SSBP2: variants seen among roughly 807,000 people sequenced by gnomAD.
SSBP2 encodes single stranded DNA binding protein 2.
A neutral mutation model predicts 61.8 loss-of-function variants in SSBP2; 17 were observed. That is an observed-to-expected ratio of 0.28 (90% CI 0.19 to 0.41). SSBP2 has a LOEUF of 0.41. Among genes scored for constraint, SSBP2 ranks in the 10% least tolerant of loss-of-function variants. The probability of loss-of-function intolerance (pLI) is 1.00; values close to 1 mark genes in which losing one functional copy is unlikely to be tolerated. For missense variants in SSBP2, 310 were observed against 458.7 expected (o/e 0.68, Z 2.96); for synonymous variants, 139 against 141.3 (o/e 0.98, Z 0.12).
chr5:81,679,675 A>G (rs1752245193), intron 1 of SSBP2, among the ~76,000 whole-genome samples: 1 of 152,256 alleles, frequency 6.6e-6, no homozygotes, highest in Non-Finnish European at 1.5e-5. Context: ...TGAGGCAAAA[A>G]TAAGAACAAA....
At chr5:81,599,206 A>G (rs1345940687) in intron 4 of SSBP2, among the ~76,000 whole-genome samples, 1 of 152,144 alleles carries the variant, frequency 6.6e-6, no homozygotes, top group Non-Finnish European at 1.5e-5. Flanking sequence ...TTTCCCAGGC[A>G]AGAAATTGTA....
At position 81,633,335 on chromosome 5, in the gene SSBP2, C is replaced by T. The variant is rs182314145; in HGVS notation, c.197+3222G>A. Among the ~76,000 whole-genome samples, 1,228 of 151,932 alleles carry T rather than the reference C, an allele frequency of 8.1e-3. 12 individuals are homozygous for T. The highest frequency in any genetic ancestry group is 0.028 in the African/African-American group (1,151 of 41,432). ...TTCACCATGTTGGCCAGGCTGGTCT[C>T]GAACTCCTGATCTCAAGTGATCCAC... On this transcript the variant is annotated intron_variant, in intron 3 of 16. Transcript: ENST00000320672.
chr5:81,604,671 CA>C (rs1435303594), intron 4 of SSBP2, among the ~76,000 whole-genome samples: 1 of 152,076 alleles, frequency 6.6e-6, no homozygotes, highest in African/African-American at 2.4e-5. Flanking sequence ...AATTATCTGT[CA>C]AATATAAACA....
intron 1 of SSBP2, among the ~76,000 whole-genome samples, chr5:81,651,584 C>T (rs150467158): frequency 1.8e-4 from 28 of 152,298 alleles, no homozygotes; most frequent in African/African-American, 6.7e-4. Context: ...CATCTCCAAA[C>T]ATATTCAAAT....
chr5:81,744,830 T>C (rs1194535025), intron 1 of SSBP2, among the ~76,000 whole-genome samples: 1 of 152,256 alleles, frequency 6.6e-6, no homozygotes. Context: ...ACATGAAATG[T>C]AATTAACATT....
intron 2 of SSBP2, among the ~76,000 whole-genome samples, chr5:81,641,294 C>G (rs578054872): frequency 7.2e-5 from 11 of 152,264 alleles, no homozygotes; most frequent in Admixed American, 4.6e-4. Context: ...TGAGAAGAAG[C>G]CTGAGGTAAT....
rs1229348933 is a variant in SSBP2 at position 81,746,932 on chromosome 5, C to T, written c.62+4049G>A. ...ACTCTTTCTGCGGTAGTGTGGCATA[C>T]TGTGTGGCTTTAAGTTCAGCAACAT... On this transcript the variant is annotated intron_variant, in intron 1 of 16. Coordinates refer to ENST00000320672, the MANE Select transcript of SSBP2 (RefSeq NM_012446.5). 2.0e-5 allele frequency among the ~76,000 whole-genome samples: 3 copies of T among 147,270 alleles called. No homozygotes were observed. In the Admixed American group the frequency reaches 2.2e-4, roughly 11 times the overall value.
At chr5:81,736,143 A>AACACACACACAC (rs58588638) in intron 1 of SSBP2, among the ~76,000 whole-genome samples, 372 of 75,302 alleles carry the variant, frequency 4.9e-3, no homozygotes, top group African/African-American at 0.013. Context: ...ACTACCCTGA[A>AACACACACACAC]ACACACACAC....
At chr5:81,474,081 T>G (rs530153205) in intron 7 of SSBP2, among the ~76,000 whole-genome samples, 31 of 152,136 alleles carry the variant, frequency 2.0e-4, no homozygotes, top group South Asian at 6.2e-4. Context: ...TCTGGAGGGA[T>G]TTGGTTATTG....
intron 3 of SSBP2, among the ~76,000 whole-genome samples, chr5:81,617,028 T>A (rs1214530669): frequency 1.1e-5 from 1 of 93,202 alleles, no homozygotes; most frequent in Non-Finnish European, 2.1e-5. Flanking sequence ...AACTGGAAAC[T>A]CTAAAACGCA....
At chr5:81,535,772 C>T (rs1365684210) in intron 4 of SSBP2, among the ~76,000 whole-genome samples, 1 of 151,710 alleles carries the variant, frequency 6.6e-6, no homozygotes, top group Non-Finnish European at 1.5e-5. Context: ...TCAAAATGGA[C>T]CACAGACATA....
chr5:81,739,164 CAAAAAAAAAAAAAAAAAA>C (rs71000859), intron 1 of SSBP2, among the ~76,000 whole-genome samples: 9 of 51,078 alleles, frequency 1.8e-4, no homozygotes, highest in African/African-American at 5.7e-4. Context: ...ACTCCATCTC[CAAAAAAAAAAAAAAAAAA>C]AAAAAAAAAA....
At chr5:81,631,624 G>A (rs533282659) in intron 3 of SSBP2, among the ~76,000 whole-genome samples, 1 of 152,090 alleles carries the variant, frequency 6.6e-6, no homozygotes, top group South Asian at 2.1e-4. Context: ...ACACTGCCTG[G>A]CAATATTTTG....
intron 10 of SSBP2, among the ~76,000 whole-genome samples, chr5:81,452,559 G>A (rs529438415): frequency 9.2e-5 from 14 of 152,378 alleles, no homozygotes; most frequent in African/African-American, 2.9e-4. Flanking sequence ...ATAAGCAAGA[G>A]TAGGAGAATT....
chr5:81,442,388 T>C (rs887350430), intron 13 of SSBP2, among the ~76,000 whole-genome samples: 3 of 152,210 alleles, frequency 2.0e-5, no homozygotes, highest in Non-Finnish European at 4.4e-5. Context: ...TATATATCAT[T>C]AATTATTTAC....
chr5:81,650,417 C>A, intron 1 of SSBP2, 78 bp from the exon 2 acceptor site: 1 of 1,013,484 alleles, frequency 9.9e-7, no homozygotes, highest in Non-Finnish European at 1.4e-6. Context: ...CTTTCCATTG[C>A]TGAAATATCT....
At chr5:81,733,181 T>C (rs1338076428) in intron 1 of SSBP2, among the ~76,000 whole-genome samples, 4 of 152,178 alleles carry the variant, frequency 2.6e-5, no homozygotes, top group African/African-American at 9.7e-5. Flanking sequence ...CTCATTTTAG[T>C]GTCAATCGGC....
At chr5:81,626,939 C>A (rs1200551723) in intron 3 of SSBP2, among the ~76,000 whole-genome samples, 1 of 152,008 alleles carries the variant, frequency 6.6e-6, no homozygotes, top group Non-Finnish European at 1.5e-5. Flanking sequence ...TAAATTTGAC[C>A]TTGGGCAAAT....
At chr5:81,533,953 G>A (rs1370451770) in intron 4 of SSBP2, among the ~76,000 whole-genome samples, 1 of 151,972 alleles carries the variant, frequency 6.6e-6, no homozygotes, top group Non-Finnish European at 1.5e-5. Flanking sequence ...CAAGGGAAAA[G>A]GAAAAAGAAC....
Sources: gnomAD v4.1 joint callset for allele counts (sites outside exome capture counted in the v4.1 genomes callset) on GRCh38, gnomAD v4.1.1 for gene constraint, MANE v1.5 for transcripts, NCBI Gene and HGNC (gene_info 2026-07-23, HGNC 2026-07-21) for gene names.